Variants in CACNG2 observed in about 807,000 individuals in gnomAD.
CACNG2 encodes the protein calcium voltage-gated channel auxiliary subunit gamma 2.
In CACNG2, 3 loss-of-function variants were observed where a neutral mutation model predicts 25.9. The ratio of observed to expected loss-of-function variants is 0.12; its 90% CI spans 0.05 to 0.30. The LOEUF (loss-of-function observed/expected upper bound fraction) is 0.30, where lower values mean the gene tolerates loss of function less well. Ranked by LOEUF, CACNG2 falls within the 10% of genes least tolerant of loss-of-function variation. The pLI is 1.00. For missense variants in CACNG2, 341 were observed against 432.5 expected, an observed-to-expected ratio of 0.79 and a Z score of 1.88; for synonymous variants, 167 against 173.3, an observed-to-expected ratio of 0.96 and a Z score of 0.29.
At chr22:36,611,386 A>G (rs970904132) in intron 1 of CACNG2, among the ~76,000 whole-genome samples, 4 of 152,210 alleles carry the variant, frequency 2.6e-5, no homozygotes, top group African/African-American at 9.6e-5. Flanking sequence ...ACTCAGGGCT[A>G]TGACCCCAGG....
intron 2 of CACNG2, among the ~76,000 whole-genome samples, chr22:36,579,679 C>A (rs1011895052): frequency 3.3e-5 from 5 of 152,164 alleles, no homozygotes; most frequent in Non-Finnish European, 7.3e-5. Flanking sequence ...CTGGTCCCCA[C>A]CCCTTCTGCC....
At chr22:36,611,444 T>G (rs898257930) in intron 1 of CACNG2, among the ~76,000 whole-genome samples, 1 of 152,180 alleles carries the variant, frequency 6.6e-6, no homozygotes, top group Admixed American at 6.5e-5. Context: ...GGAACTGCCT[T>G]TAAGCCCACT....
intron 2 of CACNG2, among the ~76,000 whole-genome samples, chr22:36,579,494 C>G (rs1017285557): frequency 6.6e-6 from 1 of 151,538 alleles, no homozygotes; most frequent in Non-Finnish European, 1.5e-5. Flanking sequence ...TCTCCACTAC[C>G]GGGCCCGAGC....
chr22:36,569,899 A>G (rs1307833284), intron 2 of CACNG2, among the ~76,000 whole-genome samples: 1 of 152,178 alleles, frequency 6.6e-6, no homozygotes, highest in Non-Finnish European at 1.5e-5. Flanking sequence ...GCCAGCCACA[A>G]AGGGGAATGA....
At chr22:36,683,924 T>C (rs1216096586) in intron 1 of CACNG2, among the ~76,000 whole-genome samples, 1 of 152,142 alleles carries the variant, frequency 6.6e-6, no homozygotes, top group Non-Finnish European at 1.5e-5. Context: ...AAATTGTAAC[T>C]AAGAACCGAG....
intron 1 of CACNG2, among the ~76,000 whole-genome samples, chr22:36,682,059 C>A (rs1777924922): frequency 6.6e-6 from 1 of 152,232 alleles, no homozygotes. Flanking sequence ...AGTGTAACAG[C>A]AGACCAAGAG....
At chr22:36,619,282 G>A (rs2283993) in intron 1 of CACNG2, among the ~76,000 whole-genome samples, 79,719 of 152,072 alleles carry the variant, frequency 0.52, 23,118 homozygotes, top group Non-Finnish European at 0.64. Context: ...TGATGGCACC[G>A]CAGGATGACA....
At chr22:36,672,816 A>G (rs1936970278) in intron 1 of CACNG2, among the ~76,000 whole-genome samples, 1 of 152,204 alleles carries the variant, frequency 6.6e-6, no homozygotes, top group South Asian at 2.1e-4. Flanking sequence ...TGTGCATCCC[A>G]AAGTTTGAGA....
intron 1 of CACNG2, among the ~76,000 whole-genome samples, chr22:36,588,758 C>T (rs1055355150): frequency 6.6e-6 from 1 of 152,118 alleles, no homozygotes; most frequent in Non-Finnish European, 1.5e-5. Flanking sequence ...AGAACAGTGC[C>T]TGACACATTT....
intron 1 of CACNG2, among the ~76,000 whole-genome samples, chr22:36,591,453 T>A (rs1365914218): frequency 1.3e-5 from 2 of 152,220 alleles, no homozygotes; most frequent in Admixed American, 1.3e-4. Flanking sequence ...GAGGATCCCT[T>A]GAACCCAGCA....
chr22:36,602,319 C>A (rs1001860778), intron 1 of CACNG2, among the ~76,000 whole-genome samples: 5 of 151,824 alleles, frequency 3.3e-5, no homozygotes, highest in African/African-American at 1.2e-4. Context: ...GTACATTGCC[C>A]TTTCATTTTG....
In CACNG2 at chr22:36,566,370, A is replaced by T; in HGVS notation, c.419T>A (p.Ile140Asn). 1 of 1,614,120 alleles carries T rather than the reference A, an allele frequency of 6.2e-7. No individual in the cohort carries two copies. Among genetic ancestry groups the T allele is most frequent in the Non-Finnish European group, 8.5e-7 (1 of 1,180,022 alleles). Residue 140 changes from isoleucine (I) to asparagine (N), a missense_variant, in exon 3 of 4, where the codon ATC (isoleucine) becomes AAC (asparagine). Physicochemically the swap from Ile to Asn is moderately radical, Grantham distance 149. Around this residue, in one of 2 missense-constraint regions of CACNG2, gnomAD observed 169 missense variants for 254.4 expected, o/e 0.66. Transcript: ENST00000300105. ...GCTGTTACCTGCAGACACGAAGAAG[A>T]TGCCGGCACTCAGGATGATGTTGTG... ...TRHNIILSAG[I>N]FFVSAGLSNI...
intron 1 of CACNG2, among the ~76,000 whole-genome samples, chr22:36,681,868 G>A (rs1050086159): frequency 6.6e-6 from 1 of 152,152 alleles, no homozygotes; most frequent in Non-Finnish European, 1.5e-5. Flanking sequence ...CATGGTAGCT[G>A]GAGGCATGGC....
chr22:36,684,615 C>CAAAA (rs10647451), intron 1 of CACNG2, among the ~76,000 whole-genome samples: 6,002 of 101,114 alleles, frequency 0.059, 476 homozygotes, highest in African/African-American at 0.17. Flanking sequence ...GACCTTGTCT[C>CAAAA]AAAAAAAAAA....
At chr22:36,659,686 C>G (rs1267572452) in intron 1 of CACNG2, among the ~76,000 whole-genome samples, 1 of 151,986 alleles carries the variant, frequency 6.6e-6, no homozygotes, top group Non-Finnish European at 1.5e-5. Context: ...TGCGGGGACA[C>G]AGGCACACAG....
In CACNG2 at chr22:36,564,114, C is replaced by T. The variant is rs183777390; in HGVS notation, c.*237G>A. ...CCTCGTTTATATTTTCCCACATTTC[C>T]TGTTGTTTTGCTTCTTTGTTCCTCT... On this transcript the variant is annotated 3_prime_UTR_variant, in exon 4 of 4. Transcript: ENST00000300105. The surrounding 1 kb of genome is among the most constrained non-coding windows in gnomAD (Gnocchi z 6.7). 5.0e-5 allele frequency: 19 copies of T among 381,096 alleles called. No individual in the cohort carries two copies. In the East Asian group the frequency reaches 6.4e-4, roughly 13 times the overall value. The allele number at this position is 381,096 out of a possible 1,614,324, so 23.6% of individuals were successfully genotyped here.
intron 1 of CACNG2, among the ~76,000 whole-genome samples, chr22:36,665,381 G>T (rs1291551898): frequency 2.6e-5 from 4 of 152,214 alleles, no homozygotes; most frequent in African/African-American, 9.7e-5. Context: ...TCATAGGGTT[G>T]TCACGAGGAT....
At position 36,668,424 on chromosome 22, in the gene CACNG2, G is replaced by A. The variant is rs967000107; in HGVS notation, c.211+33942C>T. ...AAGTCCCACAGTATGCCATCTGCACGCTTGAGAACAAGAAAGCTGGTGGTG... is the reference window on the plus strand; with the variant it reads ...AAGTCCCACAGTATGCCATCTGCACACTTGAGAACAAGAAAGCTGGTGGTG... On this transcript the variant is annotated intron_variant, in intron 1 of 3. Coordinates refer to ENST00000300105, the MANE Select transcript of CACNG2 (RefSeq NM_006078.5). Among the ~76,000 whole-genome samples, 3 of 152,200 alleles carry A rather than the reference G, an allele frequency of 2.0e-5. No individual in the cohort carries two copies. The South Asian group carries it at 6.2e-4, about 31-fold the overall frequency.
At chr22:36,604,506 G>A (rs1442257137) in intron 1 of CACNG2, among the ~76,000 whole-genome samples, 4 of 152,170 alleles carry the variant, frequency 2.6e-5, no homozygotes, top group Non-Finnish European at 4.4e-5. Context: ...AATCTTTTGC[G>A]AAAGGAAGAA....
Sources: gnomAD v4.1 joint callset for allele counts (sites outside exome capture counted in the v4.1 genomes callset) on GRCh38, gnomAD v4.1.1 for gene constraint, gnomAD v4.1.1 regional missense constraint, Gnocchi (gnomAD v3.1) non-coding constraint, MANE v1.5 for transcripts, NCBI Gene and HGNC (gene_info 2026-07-23, HGNC 2026-07-21) for gene names.